OXR1: variants seen among roughly 807,000 people sequenced by gnomAD.
OXR1 encodes the protein oxidation resistance 1, also known as oxidation resistance protein 1.
A neutral mutation model predicts 104.6 loss-of-function variants in OXR1; 41 were observed. The observed-to-expected ratio is 0.39, with a 90% CI of 0.31 to 0.51. OXR1 has a LOEUF of 0.51. Among genes scored for constraint, OXR1 ranks in the 20% least tolerant of loss-of-function variants. OXR1 has a pLI of 0.77. For synonymous variants in OXR1, 348 were observed against 348.4 expected (o/e 1.00, Z 0.01); for missense variants, 955 against 1,031.9 (o/e 0.93, Z 1.02).
intron 2 of OXR1, among the ~76,000 whole-genome samples, chr8:106,423,055 CCA>C (rs1345942820): frequency 6.6e-6 from 1 of 152,114 alleles, no homozygotes; most frequent in African/African-American, 2.4e-5. Context: ...GCCCACTGGA[CCA>C]CAGCCTTGGC....
chr8:106,519,997 G>A (rs1215240033), intron 3 of OXR1, among the ~76,000 whole-genome samples: 1 of 152,068 alleles, frequency 6.6e-6, no homozygotes, highest in African/African-American at 2.4e-5. Flanking sequence ...GTGTGTAGGG[G>A]AGACAAATCC....
chr8:106,740,572 AC>A, intron 14 of OXR1, 77 bp downstream of exon 14: 1 of 1,221,790 alleles, frequency 8.2e-7, no homozygotes, highest in Non-Finnish European at 1.2e-6. Flanking sequence ...TATTTGATAA[AC>A]ATTACTTTAT....
intron 1 of OXR1, among the ~76,000 whole-genome samples, chr8:106,312,092 G>T (rs1293025776): frequency 6.6e-6 from 1 of 151,610 alleles, no homozygotes; most frequent in Non-Finnish European, 1.5e-5. Context: ...GAGTCTTAAC[G>T]ATTTTAAGAG....
At chr8:106,422,965 A>G (rs1003357444) in intron 2 of OXR1, among the ~76,000 whole-genome samples, 1 of 152,178 alleles carries the variant, frequency 6.6e-6, no homozygotes, top group African/African-American at 2.4e-5. Context: ...CAGGAGAGAC[A>G]ATCCCCTGGC....
intron 2 of OXR1, among the ~76,000 whole-genome samples, chr8:106,487,790 T>C (rs1408597460): frequency 5.3e-5 from 8 of 151,748 alleles, no homozygotes; most frequent in Non-Finnish European, 1.0e-4. Context: ...CCATGGTGTA[T>C]ATGTGCCACA....
intron 3 of OXR1, among the ~76,000 whole-genome samples, chr8:106,593,853 A>G (rs1019654102): frequency 2.0e-5 from 3 of 152,214 alleles, no homozygotes; most frequent in African/African-American, 7.2e-5. Context: ...GGTTTATGGT[A>G]TGCTTTACTC....
intron 7 of OXR1, 79 bp downstream of exon 7, chr8:106,692,956 T>A (rs1829463685): frequency 2.9e-6 from 3 of 1,025,820 alleles, no homozygotes; most frequent in Non-Finnish European, 4.2e-6. Context: ...CATTTACATT[T>A]TAAGTCATCA....
chr8:106,702,998 G>T lies in OXR1; in HGVS notation c.768G>T (p.Glu256Asp). ...CTTTGGTTCAAGAGAATGGCTGTGA[G>T]GAATATGGCATCATGTGTCCAATGG... is the stretch of plus-strand genomic sequence containing the variant. ...NDPLVQENGC[E>D]EYGIMCPMEE... is the part of the protein sequence containing the mutation. The change falls in exon 8 of 17, where the codon GAG becomes GAT. Residue 256 changes from glutamate to aspartate, a missense_variant. Physicochemically the swap from Glu to Asp is conservative, Grantham distance 45 (BLOSUM62 2). Transcript: ENST00000517566. 6.2e-7 allele frequency: 1 copy of T among 1,613,584 alleles called. No individual in the cohort carries two copies. The highest frequency in any genetic ancestry group is 2.2e-5 in the East Asian group (1 of 44,840).
At chr8:106,636,827 G>A (rs1193828861) in intron 3 of OXR1, among the ~76,000 whole-genome samples, 1 of 152,160 alleles carries the variant, frequency 6.6e-6, no homozygotes, top group Non-Finnish European at 1.5e-5. Flanking sequence ...TTACATTCCT[G>A]TCATTTAGGT....
intron 3 of OXR1, among the ~76,000 whole-genome samples, chr8:106,624,338 T>C (rs1054922038): frequency 4.0e-5 from 6 of 151,528 alleles, no homozygotes; most frequent in South Asian, 2.1e-4. Context: ...GAGACTGGAG[T>C]AGGGTAGGGC....
intron 2 of OXR1, among the ~76,000 whole-genome samples, chr8:106,397,839 G>A (rs2022970): frequency 0.57 from 86,101 of 151,910 alleles, 24,999 homozygotes; most frequent in Middle Eastern, 0.66. Context: ...CAACAGAGTG[G>A]CTTAAACAAC....
At chr8:106,556,960 C>T (rs1364446310) in intron 3 of OXR1, among the ~76,000 whole-genome samples, 1 of 152,192 alleles carries the variant, frequency 6.6e-6, no homozygotes, top group Non-Finnish European at 1.5e-5. Context: ...TCCCTTCCCT[C>T]ATTAATTTTG....
At chr8:106,748,527 T>C (rs1421150765) in intron 16 of OXR1, among the ~76,000 whole-genome samples, 4 of 151,340 alleles carry the variant, frequency 2.6e-5, no homozygotes, top group African/African-American at 9.7e-5. Context: ...TGATCTGTCT[T>C]TTCTGTTTTG....
At chr8:106,280,495 C>T (rs1192440068) in intron 1 of OXR1, among the ~76,000 whole-genome samples, 5 of 152,142 alleles carry the variant, frequency 3.3e-5, no homozygotes, top group Non-Finnish European at 7.3e-5. Flanking sequence ...CCATCTTCAT[C>T]ATCTCATGGC....
intron 2 of OXR1, among the ~76,000 whole-genome samples, chr8:106,399,700 A>G (rs1332479712): frequency 6.6e-6 from 1 of 152,172 alleles, no homozygotes; most frequent in South Asian, 2.1e-4. Flanking sequence ...GATGTAACAC[A>G]ATCTAGCTTA....
intron 3 of OXR1, among the ~76,000 whole-genome samples, chr8:106,521,808 G>A (rs771521105): frequency 1.2e-4 from 19 of 152,168 alleles, no homozygotes; most frequent in Non-Finnish European, 8.8e-5. Flanking sequence ...CACTACTCCC[G>A]GCCAGCTGGA....
chr8:106,684,309 G>T lies in OXR1; in HGVS notation c.475G>T (p.Val159Leu). Residue 159 changes from valine (V) to leucine (L), a missense_variant, in exon 6 of 17, where the codon GTA (valine) becomes TTA (leucine). Physicochemically the swap from Val to Leu is conservative, Grantham distance 32 (BLOSUM62 1). Transcript: ENST00000517566. ...TGAGAGCTCTCCATCTCTAAGCCCC[G>T]TAAGTCCTCTGTCACCAACATCATC... The part of the protein sequence containing the change: ...SVESSPSLSP[V>L]SPLSPTSSEA... 2.5e-6 allele frequency: 4 copies of T among 1,610,370 alleles called. No homozygotes were observed. In the South Asian group the frequency reaches 3.3e-5, roughly 13 times the overall value.
intron 2 of OXR1, among the ~76,000 whole-genome samples, chr8:106,405,180 A>AGTG (rs1818177986): frequency 4.1e-5 from 1 of 24,600 alleles, no homozygotes; most frequent in Non-Finnish European, 6.4e-5. Flanking sequence ...ATATATATAT[A>AGTG]TATATATATA....
chr8:106,512,582 C>G (rs1812605738), intron 2 of OXR1, among the ~76,000 whole-genome samples: 1 of 152,006 alleles, frequency 6.6e-6, no homozygotes. Flanking sequence ...AATAAAAACA[C>G]TTTTTTATGC....
Sources: gnomAD v4.1 joint callset for allele counts (sites outside exome capture counted in the v4.1 genomes callset) on GRCh38, gnomAD v4.1.1 for gene constraint, MANE v1.5 for transcripts, NCBI Gene and HGNC (gene_info 2026-07-23, HGNC 2026-07-21) for gene names.